The following COL23A1 variants were observed in gnomAD, a reference collection of about 807,000 sequenced individuals.
The protein encoded by COL23A1 is collagen type XXIII alpha 1 chain.
A neutral mutation model predicts 99.3 loss-of-function variants in COL23A1; 97 were observed. That is an observed-to-expected ratio of 0.98 (90% CI 0.83 to 1.16). The LOEUF (loss-of-function observed/expected upper bound fraction) is 1.16, where lower values mean the gene tolerates loss of function less well. Ranked by LOEUF, COL23A1 falls within the 50% of genes most tolerant of loss-of-function variation. COL23A1 has a pLI of 0.00. For synonymous variants in COL23A1, 320 were observed against 308.2 expected (o/e 1.04, Z -0.40); for missense variants, 762 against 757.4 (o/e 1.01, Z -0.07).
In COL23A1 at chr5:178,365,127, CTGTGTG is replaced by C; in HGVS notation, c.362-58214_362-58209del. ...CTTTGGGGTGGGCTTTATGATGTTG[CTGTGTG>C]TGCGTGTGTGTGTGTGTGTGTGTGT... On this transcript the variant is annotated intron_variant, in intron 2 of 28. Coordinates refer to ENST00000390654, the MANE Select transcript of COL23A1 (RefSeq NM_173465.4). The surrounding 1 kb of genome is among the most constrained non-coding windows in gnomAD (Gnocchi z 5.2). 8.3e-6 allele frequency among the ~76,000 whole-genome samples: 1 copy of C among 120,508 alleles called. No homozygotes were observed. The highest frequency in any genetic ancestry group is 3.3e-4 in the South Asian group (1 of 3,022). The allele number at this position is 120,508 out of a possible 152,430, so 79.1% of individuals were successfully genotyped here. A position where few individuals can be genotyped will look rare whatever the true frequency, so the allele number is the denominator to read the frequency against.
chr5:178,262,240 C>G lies in COL23A1; in HGVS notation c.652G>C (p.Glu218Gln), dbSNP rs373132226. The part of the protein sequence containing the change: ...GAQGPAGPKG[E>Q]PGQDGEMGPK... ...ACCATCTCGCCGTCTTGTCCGGGCT[C>G]TCCTTTGGGGCCCTGCGGAAGTGTG... Residue 218 changes from glutamate to glutamine, a missense_variant, in exon 10 of 29, where the codon GAG becomes CAG. By Grantham distance (29) the Glu-to-Gln change is conservative (BLOSUM62 2). Coordinates refer to ENST00000390654, the MANE Select transcript of COL23A1 (RefSeq NM_173465.4). 6.3e-6 allele frequency: 10 copies of G among 1,583,384 alleles called. No homozygotes were observed. Among genetic ancestry groups the G allele is most frequent in the African/African-American group, 1.3e-5 (1 of 74,834 alleles).
chr5:178,263,240 T>C lies in COL23A1; in HGVS notation c.607A>G (p.Lys203Glu), dbSNP rs368063591. ...CCTTGTGCTCCCCTGGGGCCATCTT[T>C]CCCAGTGTCGCCAGGAGGGCCCCGG... ...GARGPPGDTGKDGPRGAQGPA... is the reference protein window; with the variant it reads ...GARGPPGDTGEDGPRGAQGPA... The change falls in exon 9 of 29, where the codon AAA becomes GAA. Residue 203 changes from lysine to glutamate, a missense_variant. Coordinates refer to ENST00000390654, the MANE Select transcript of COL23A1 (RefSeq NM_173465.4). The C allele has an allele frequency of 6.2e-7, 1 of 1,613,590 alleles. No homozygotes were observed. The highest frequency in any genetic ancestry group is 1.3e-5 in the African/African-American group (1 of 74,876).
chr5:178,466,071 G>A (rs1344308703), intron 2 of COL23A1, among the ~76,000 whole-genome samples: 1 of 152,172 alleles, frequency 6.6e-6, no homozygotes, highest in East Asian at 1.9e-4. Flanking sequence ...CGACCCCCAT[G>A]AATCTCATCT....
chr5:178,489,416 C>T (rs777569332), intron 2 of COL23A1, among the ~76,000 whole-genome samples: 23 of 152,242 alleles, frequency 1.5e-4, no homozygotes, highest in Non-Finnish European at 2.6e-4. Context: ...GACTGAGCCA[C>T]GTTACCGGCT....
chr5:178,375,158 G>A (rs1478648337), intron 2 of COL23A1, among the ~76,000 whole-genome samples: 4 of 152,064 alleles, frequency 2.6e-5, no homozygotes, highest in Non-Finnish European at 4.4e-5. Context: ...GAAGTGACAT[G>A]AACCACAGAA....
intron 2 of COL23A1, among the ~76,000 whole-genome samples, chr5:178,513,379 G>C (rs1426264565): frequency 6.6e-6 from 1 of 152,178 alleles, no homozygotes; most frequent in Non-Finnish European, 1.5e-5. Context: ...GCTAGCCCAA[G>C]ACCACACAGC....
At chr5:178,444,342 T>C (rs1173059530) in intron 2 of COL23A1, among the ~76,000 whole-genome samples, 2 of 152,230 alleles carry the variant, frequency 1.3e-5, no homozygotes, top group African/African-American at 4.8e-5. Flanking sequence ...GGGAACTCTG[T>C]TGATTATTTC....
chr5:178,371,459 C>T (rs533972566), intron 2 of COL23A1, among the ~76,000 whole-genome samples: 25 of 152,280 alleles, frequency 1.6e-4, no homozygotes, highest in Admixed American at 1.4e-3. Context: ...GGCTTGGTTC[C>T]AGCTGAGACT....
At chr5:178,329,431 C>A (rs549845609) in intron 2 of COL23A1, among the ~76,000 whole-genome samples, 1 of 152,172 alleles carries the variant, frequency 6.6e-6, no homozygotes, top group Non-Finnish European at 1.5e-5. Context: ...GCTCCCCCTG[C>A]CAGCCAGGAG....
chr5:178,375,123 T>C (rs1198190565), intron 2 of COL23A1, among the ~76,000 whole-genome samples: 1 of 152,112 alleles, frequency 6.6e-6, no homozygotes, highest in African/African-American at 2.4e-5. Flanking sequence ...TGCCACAACA[T>C]GGACGAACCT....
chr5:178,415,107 G>C lies in COL23A1; in HGVS notation c.362-108188C>G, dbSNP rs1229852835. On this transcript the variant is annotated intron_variant, in intron 2 of 28. Coordinates refer to ENST00000390654, the MANE Select transcript of COL23A1 (RefSeq NM_173465.4). This position sits in a 1 kb window ranked among gnomAD's most constrained non-coding sequence, Gnocchi z 4.6. ...TCTCAGCACGAAACCCGGAATATGTGAGTGCTGGTTCTCTCTGCCCCAGTG... is the reference window on the plus strand; with the variant it reads ...TCTCAGCACGAAACCCGGAATATGTCAGTGCTGGTTCTCTCTGCCCCAGTG... 6.6e-6 allele frequency among the ~76,000 whole-genome samples: 1 copy of C among 150,504 alleles called. No individual in the cohort carries two copies. The highest frequency in any genetic ancestry group is 1.5e-5 in the Non-Finnish European group (1 of 67,748).
At position 178,387,782 on chromosome 5, in the gene COL23A1, G is replaced by A. The variant is rs140408354; in HGVS notation, c.362-80863C>T. The stretch of plus-strand genomic sequence containing the variant: ...CAGACAGTGTGGGCCATTTTCCCCC[G>A]CGCTGTGCTTGCGGAGTTTCCCACT... On this transcript the variant is annotated intron_variant, in intron 2 of 28. Transcript: ENST00000390654. This position sits in a 1 kb window ranked among gnomAD's most constrained non-coding sequence, Gnocchi z 4.7. 6.8e-3 allele frequency among the ~76,000 whole-genome samples: 1,003 copies of A among 147,630 alleles called. 5 individuals carry two copies. Among genetic ancestry groups the A allele is most frequent in the Admixed American group, 0.013 (198 of 15,152 alleles).
rs1020879930 is a variant in COL23A1, at chr5:178,340,791, T to C, written c.362-33872A>G. Reference sequence around the variant, plus strand: ...TGGCCGGGGCAAGGCCTGGCTTTTCTTACATGGTGCTCCCACTTTCCATCC... The same window carrying C: ...TGGCCGGGGCAAGGCCTGGCTTTTCCTACATGGTGCTCCCACTTTCCATCC... On this transcript the variant is annotated intron_variant, in intron 2 of 28. Coordinates refer to ENST00000390654, the MANE Select transcript of COL23A1 (RefSeq NM_173465.4). This position sits in a 1 kb window ranked among gnomAD's most constrained non-coding sequence, Gnocchi z 4.7. 6.6e-6 allele frequency among the ~76,000 whole-genome samples: 1 copy of C among 152,230 alleles called. No homozygotes were observed. The highest frequency in any genetic ancestry group is 6.5e-5 in the Admixed American group (1 of 15,290).
At chr5:178,477,722 C>T (rs1180545269) in intron 2 of COL23A1, among the ~76,000 whole-genome samples, 1 of 152,220 alleles carries the variant, frequency 6.6e-6, no homozygotes, top group East Asian at 1.9e-4. Flanking sequence ...ACGTACCCCT[C>T]CTTCCTTCCC....
rs1023158420 is a variant in COL23A1 at position 178,387,178 on chromosome 5, G to A, written c.362-80259C>T. Among the ~76,000 whole-genome samples, 3 of 152,064 alleles carry A rather than the reference G, an allele frequency of 2.0e-5. No individual in the cohort carries two copies. The highest frequency in any genetic ancestry group is 7.2e-5 in the African/African-American group (3 of 41,384). ...CATTTTACCCATCCTGGTGCTGACA[G>A]CTCACAGCAACCCTGCCCGAGTCTT... On this transcript the variant is annotated intron_variant, in intron 2 of 28. Transcript: ENST00000390654. The surrounding 1 kb of genome is among the most constrained non-coding windows in gnomAD (Gnocchi z 4.7).
intron 2 of COL23A1, among the ~76,000 whole-genome samples, chr5:178,379,391 G>A (rs1763252811): frequency 6.6e-6 from 1 of 152,194 alleles, no homozygotes; most frequent in African/African-American, 2.4e-5. Context: ...GTGTGTACAT[G>A]CAGAGAAAGA....
At chr5:178,331,883 A>G (rs1230545781) in intron 2 of COL23A1, among the ~76,000 whole-genome samples, 1 of 152,212 alleles carries the variant, frequency 6.6e-6, no homozygotes, top group Non-Finnish European at 1.5e-5. Context: ...GGGCCAGGCC[A>G]GGAGGAAGGC....
At chr5:178,250,474 G>T (rs1764975919) in intron 17 of COL23A1, among the ~76,000 whole-genome samples, 1 of 152,194 alleles carries the variant, frequency 6.6e-6, no homozygotes, top group Non-Finnish European at 1.5e-5. Flanking sequence ...CAGGCCACAG[G>T]GTGTGCAAGC....
In COL23A1 at chr5:178,263,300, C is replaced by G. The variant is rs1765739033; in HGVS notation, c.547G>C (p.Ala183Pro). ...PRGDQGQDGA[A>P]GPPGPPGPPG... is the part of the protein sequence containing the mutation. ...GGTCCAGGGGGCCCCGGAGGCCCAG[C>G]AGCTCCATCTTGTCCTTGGTCTCCC... is the stretch of plus-strand genomic sequence containing the variant. Residue 183 changes from alanine to proline, a missense_variant, in exon 9 of 29, where the codon GCT (alanine) becomes CCT (proline). Coordinates refer to ENST00000390654, the MANE Select transcript of COL23A1 (RefSeq NM_173465.4). The G allele has an allele frequency of 1.2e-6, 2 of 1,605,776 alleles. No individual in the cohort carries two copies. Among genetic ancestry groups the G allele is most frequent in the Non-Finnish European group, 1.7e-6 (2 of 1,177,292 alleles).
Sources: allele counts gnomAD v4.1 joint callset (sites outside exome capture counted in the v4.1 genomes callset), GRCh38; gene constraint gnomAD v4.1.1; non-coding constraint Gnocchi (gnomAD v3.1); transcripts MANE v1.5; gene names NCBI Gene and HGNC (gene_info 2026-07-23, HGNC 2026-07-21).